MFSD8: variants seen among roughly 807,000 people sequenced by gnomAD.
MFSD8 encodes the protein major facilitator superfamily domain-containing protein 8.
Under a neutral mutation model 66.4 loss-of-function variants are expected in MFSD8, and 55 were observed. The ratio of observed to expected loss-of-function variants is 0.83; its 90% CI spans 0.67 to 1.04. The LOEUF is 1.04. Ranked by LOEUF, MFSD8 falls within the 50% of genes least tolerant of loss-of-function variation. The pLI is 0.00. For synonymous variants in MFSD8, 202 were observed against 212.8 expected (o/e 0.95, Z 0.44); for missense variants, 550 against 627.6 (o/e 0.88, Z 1.32).
intron 5 of MFSD8, among the ~76,000 whole-genome samples, chr4:127,941,627 A>C (rs990194309): frequency 2.6e-5 from 4 of 151,960 alleles, no homozygotes; most frequent in Admixed American, 2.6e-4. Context: ...ACACCTGGCT[A>C]ATTTTTGTAT....
At position 127,917,926 on chromosome 4, in the gene MFSD8, T is replaced by A. The variant is rs1736002681; in HGVS notation, c.*2704A>T. The A allele has an allele frequency of 6.6e-6, 1 of 152,220 alleles. No individual in the cohort carries two copies. The highest frequency in any genetic ancestry group is 2.1e-4 in the South Asian group (1 of 4,836). 9.4% of individuals were successfully genotyped at this position (152,220 alleles called of 1,614,324 possible). On this transcript the variant is annotated 3_prime_UTR_variant, in exon 12 of 12. Transcript: ENST00000641686. ...GCCCAGAATTTCTTCTCAAAATAAG[T>A]TAATCTATTCTTAAACAGATGCAGG... is the stretch of plus-strand genomic sequence containing the variant.
intron 8 of MFSD8, 32 bp downstream of exon 8, chr4:127,932,953 T>C: frequency 1.3e-6 from 2 of 1,540,944 alleles, no homozygotes; most frequent in South Asian, 1.1e-5. Context: ...TAAAACATAA[T>C]CTGATTCAGA....
In MFSD8 at chr4:127,918,416, T is replaced by C. The variant is rs886059065; in HGVS notation, c.*2214A>G. 1.3e-5 allele frequency: 2 copies of C among 152,080 alleles called. No individual in the cohort carries two copies. The highest frequency in any genetic ancestry group is 2.9e-5 in the Non-Finnish European group (2 of 68,014). 9.4% of individuals were successfully genotyped at this position (152,080 alleles called of 1,614,324 possible). A position where few individuals can be genotyped will look rare whatever the true frequency, so the allele number is the denominator to read the frequency against. Reference sequence around the variant, plus strand: ...TCAATAAAAAGGAAAGTAAGAGTCATTTGTGTAAGGTTAAGTTTATCTAAA... The same window carrying C: ...TCAATAAAAAGGAAAGTAAGAGTCACTTGTGTAAGGTTAAGTTTATCTAAA... On this transcript the variant is annotated 3_prime_UTR_variant, in exon 12 of 12. Coordinates refer to ENST00000641686, the MANE Select transcript of MFSD8 (RefSeq NM_001371596.2).
chr4:127,945,706 T>C (rs974878452), intron 3 of MFSD8: 2 of 152,158 alleles, frequency 1.3e-5, no homozygotes, highest in Non-Finnish European at 2.9e-5. Flanking sequence ...TGCAAAAGTA[T>C]AATGATACAT....
intron 5 of MFSD8, among the ~76,000 whole-genome samples, chr4:127,941,187 AC>A (rs761963126): frequency 1.3e-5 from 2 of 152,184 alleles, no homozygotes; most frequent in Non-Finnish European, 2.9e-5. Flanking sequence ...GTTTCAGGGT[AC>A]AAAACTGAAA....
intron 3 of MFSD8, 119 bp from the exon 4 acceptor site, chr4:127,944,111 GT>G: frequency 7.4e-7 from 1 of 1,346,626 alleles, no homozygotes; most frequent in East Asian, 2.3e-5. Context: ...TAACGTATAA[GT>G]TTTATAACAC....
At chr4:127,956,012 G>A (rs947231388) in intron 2 of MFSD8, among the ~76,000 whole-genome samples, 1 of 151,914 alleles carries the variant, frequency 6.6e-6, no homozygotes, top group Non-Finnish European at 1.5e-5. Context: ...CCAGCTACTC[G>A]GGAGGCTAAG....
chr4:127,923,591 ATTATT>A (rs1174429156), intron 9 of MFSD8, among the ~76,000 whole-genome samples: 1 of 142,728 alleles, frequency 7.0e-6, no homozygotes, highest in Admixed American at 7.1e-5. Context: ...TATTATTATT[ATTATT>A]TGAGACAGAG....
chr4:127,945,922 T>C (rs908311140), intron 3 of MFSD8, among the ~76,000 whole-genome samples: 13 of 151,302 alleles, frequency 8.6e-5, no homozygotes, highest in Non-Finnish European at 1.8e-4. Context: ...GCAAAACTTT[T>C]TTTTTTTTTT....
Position 127,965,172 on chromosome 4 carries a change from G to T in MFSD8, c.-39C>A. On this transcript the variant is annotated 5_prime_UTR_variant, in exon 1 of 12. Transcript: ENST00000641686. ...ACAAGGCGTCTTGCGCCCAACTCTC[G>T]CGACACCTGCTTTCTCCCATCCCGG... 3 of 1,612,110 alleles carry T rather than the reference G, an allele frequency of 1.9e-6. No individual in the cohort carries two copies. Among genetic ancestry groups the T allele is most frequent in the Non-Finnish European group, 2.5e-6 (3 of 1,179,022 alleles).
intron 3 of MFSD8, among the ~76,000 whole-genome samples, chr4:127,948,415 A>G (rs575109513): frequency 1.3e-5 from 2 of 152,288 alleles, no homozygotes; most frequent in South Asian, 4.2e-4. Context: ...TCCCAAGTCA[A>G]AAGGTCAAAC....
chr4:127,950,910 A>T (rs1447765154), intron 2 of MFSD8, among the ~76,000 whole-genome samples: 2 of 150,886 alleles, frequency 1.3e-5, no homozygotes, highest in East Asian at 4.0e-4. Context: ...AAAATACAAA[A>T]ATTAGCTGGG....
At chr4:127,954,018 G>C (rs1742468846) in intron 2 of MFSD8, among the ~76,000 whole-genome samples, 1 of 152,088 alleles carries the variant, frequency 6.6e-6, no homozygotes, top group African/African-American at 2.4e-5. Context: ...GAGACCACTT[G>C]TAATATTAGT....
chr4:127,959,677 AG>A (rs1743434605), intron 1 of MFSD8, among the ~76,000 whole-genome samples: 1 of 152,186 alleles, frequency 6.6e-6, no homozygotes. Flanking sequence ...AGTGTGGAAA[AG>A]GCTAACAGTT....
intron 5 of MFSD8, 90 bp from the exon 6 acceptor site, chr4:127,940,087 C>A (rs939314900): frequency 8.2e-7 from 1 of 1,215,894 alleles, no homozygotes; most frequent in South Asian, 1.3e-5. Flanking sequence ...GAATTGGGAA[C>A]AATGTTATGG....
intron 2 of MFSD8, 47 bp downstream of exon 2, chr4:127,957,454 A>G (rs767857787): frequency 3.2e-6 from 4 of 1,266,614 alleles, no homozygotes; most frequent in Admixed American, 3.6e-5. Flanking sequence ...AAGTTAAAAT[A>G]TGACATCTGA....
chr4:127,965,343 C>T, upstream of MFSD8: 1 of 631,358 alleles, frequency 1.6e-6, no homozygotes, highest in Non-Finnish European at 2.8e-6. Context: ...TCAGCCTCCT[C>T]CCTCGGCACG....
chr4:127,951,300 G>T (rs1040447564), intron 2 of MFSD8, among the ~76,000 whole-genome samples: 1 of 151,988 alleles, frequency 6.6e-6, no homozygotes, highest in Non-Finnish European at 1.5e-5. Flanking sequence ...CCCGATCTCG[G>T]CTCACTGCAA....
Position 127,921,542 on chromosome 4 carries a change from A to G in MFSD8, c.1332T>C (p.Ile444=). The G allele has an allele frequency of 1.2e-6, 2 of 1,614,172 alleles. No homozygotes were observed. The highest frequency in any genetic ancestry group is 1.7e-6 in the Non-Finnish European group (2 of 1,180,016). The change falls in exon 11 of 12, where the codon ATT becomes ATC. Residue 444 remains isoleucine, a synonymous_variant. Transcript: ENST00000641686. The stretch of plus-strand genomic sequence containing the variant: ...GGCTTACCTGAGGTTTTGGTCCTAG[A>G]ATTTTTGAATATAGAGTATAGGACA... ...NLMSYTLYSK[I]LGPKPQGVYM...
Sources: allele counts gnomAD v4.1 joint callset (sites outside exome capture counted in the v4.1 genomes callset), GRCh38; gene constraint gnomAD v4.1.1; transcripts MANE v1.5; gene names NCBI Gene and HGNC (gene_info 2026-07-23, HGNC 2026-07-21).